The following SGTB variants were observed in gnomAD, a reference collection of about 807,000 sequenced individuals.
The protein encoded by SGTB is small glutamine-rich tetratricopeptide repeat-containing protein beta.
A neutral mutation model predicts 43.9 loss-of-function variants in SGTB; 19 were observed. The observed-to-expected ratio is 0.43, with a 90% CI of 0.30 to 0.63. The LOEUF (loss-of-function observed/expected upper bound fraction) is 0.63. Ranked by LOEUF, SGTB falls within the 30% of genes least tolerant of loss-of-function variation. The pLI is 0.12. For missense variants in SGTB, 304 were observed against 358.9 expected (o/e 0.85, Z 1.24); for synonymous variants, 116 against 117.3 (o/e 0.99, Z 0.07).
chr5:65,677,322 T>C (rs1268979631), intron 8 of SGTB, among the ~76,000 whole-genome samples: 1 of 149,918 alleles, frequency 6.7e-6, no homozygotes, highest in Non-Finnish European at 1.5e-5. Context: ...AGTTCTGAAA[T>C]TGAGGCACTA....
chr5:65,685,457 G>C lies in SGTB; in HGVS notation c.390C>G (p.Ser130Arg). 3.7e-6 allele frequency: 6 copies of C among 1,613,944 alleles called. No homozygotes were observed. The highest frequency in any genetic ancestry group is 5.1e-6 in the Non-Finnish European group (6 of 1,179,976). Residue 130 changes from serine (S) to arginine (R), a missense_variant, in exon 6 of 11, where the codon AGC becomes AGG. Ser to Arg is a moderately radical substitution (Grantham distance 110). Transcript: ENST00000381007. The part of the protein sequence containing the change: ...VYYCNRAAAQ[S>R]KLGHYTDAIK... ...TCGCATCTGTGTAGTGACCTAATTT[G>C]CTCTGAGCAGCAGCCCTAAGAGAAA... is the stretch of plus-strand genomic sequence containing the variant.
chr5:65,677,835 C>T (rs1757312653), intron 8 of SGTB, among the ~76,000 whole-genome samples: 1 of 152,094 alleles, frequency 6.6e-6, no homozygotes. Context: ...ATTGAAGGAA[C>T]ATACCTCAAA....
chr5:65,682,608 C>T (rs886413413), intron 6 of SGTB, among the ~76,000 whole-genome samples: 1 of 152,084 alleles, frequency 6.6e-6, no homozygotes, highest in African/African-American at 2.4e-5. Context: ...GGCGTAATAA[C>T]AATGAAGGAT....
chr5:65,691,790 G>A (rs1400664038), intron 5 of SGTB, among the ~76,000 whole-genome samples: 2 of 151,550 alleles, frequency 1.3e-5, no homozygotes, highest in African/African-American at 4.8e-5. Context: ...AATTAGCCGG[G>A]CGTGGTGGCG....
intron 5 of SGTB, among the ~76,000 whole-genome samples, chr5:65,694,758 G>C (rs1000920934): frequency 1.1e-4 from 16 of 152,112 alleles, no homozygotes; most frequent in Admixed American, 3.3e-4. Context: ...GGGTTTTGAA[G>C]GATGACTAGT....
At chr5:65,706,738 A>G (rs1176064669) in intron 4 of SGTB, among the ~76,000 whole-genome samples, 1 of 152,022 alleles carries the variant, frequency 6.6e-6, no homozygotes, top group Non-Finnish European at 1.5e-5. Flanking sequence ...AGGCTGAGGC[A>G]GGAAAATCAC....
intron 4 of SGTB, among the ~76,000 whole-genome samples, chr5:65,707,874 T>C (rs1162917376): frequency 6.6e-6 from 1 of 151,736 alleles, no homozygotes; most frequent in Non-Finnish European, 1.5e-5. Flanking sequence ...TGTCACTCAC[T>C]GCTAAAGATA....
Position 65,669,388 on chromosome 5 carries a change from T to A in SGTB, c.*858A>T, listed in dbSNP as rs1259818188. ...TTAAAGTATATTTATATTTGATAGT[T>A]TCCAAGGTAAGGTTACCATTGGGGA... On this transcript the variant is annotated 3_prime_UTR_variant, in exon 11 of 11. Transcript: ENST00000381007. 2.0e-5 allele frequency: 3 copies of A among 152,222 alleles called. No individual in the cohort carries two copies. The highest frequency in any genetic ancestry group is 2.9e-5 in the Non-Finnish European group (2 of 68,046). The allele number at this position is 152,222 out of a possible 1,614,324, so 9.4% of individuals were successfully genotyped here.
chr5:65,688,423 C>T (rs10035902), intron 5 of SGTB, among the ~76,000 whole-genome samples: 2,650 of 152,268 alleles, frequency 0.017, 77 homozygotes, highest in African/African-American at 0.061. Context: ...AAGAGTCTCA[C>T]CTTCAAAACA....
chr5:65,701,735 C>T (rs1313393710), intron 5 of SGTB, among the ~76,000 whole-genome samples: 3 of 151,474 alleles, frequency 2.0e-5, no homozygotes. Flanking sequence ...AGGGTTCACA[C>T]CATTCTCCTG....
At chr5:65,713,670 T>C (rs1196032887) in intron 2 of SGTB, among the ~76,000 whole-genome samples, 2 of 152,162 alleles carry the variant, frequency 1.3e-5, no homozygotes, top group East Asian at 1.9e-4. Flanking sequence ...TAGAATATAA[T>C]TTCTCAATAT....
chr5:65,701,849 G>A (rs1249114348), intron 5 of SGTB, among the ~76,000 whole-genome samples: 1 of 152,102 alleles, frequency 6.6e-6, no homozygotes, highest in Non-Finnish European at 1.5e-5. Context: ...TAGCCAGGAT[G>A]GTCTCGATCT....
chr5:65,708,535 G>A lies in SGTB; in HGVS notation c.228C>T (p.Asn76=). 1 of 1,613,070 alleles carries A rather than the reference G, an allele frequency of 6.2e-7. No individual in the cohort carries two copies. Among genetic ancestry groups the A allele is most frequent in the Non-Finnish European group, 8.5e-7 (1 of 1,179,582 alleles). The change falls in exon 4 of 11, where the codon AAC becomes AAT. Residue 76 remains asparagine (N), a synonymous_variant. Coordinates refer to ENST00000381007, the MANE Select transcript of SGTB (RefSeq NM_019072.3). ...FCKNDVLPLS[N]SVPEDVGKAD... The stretch of plus-strand genomic sequence containing the variant: ...CTTTTCCCACATCTTCAGGCACTGA[G>A]TTTGAAAGGGGCAGAACGTCATTCT...
At chr5:65,699,496 C>T (rs757776872) in intron 5 of SGTB, among the ~76,000 whole-genome samples, 5 of 152,208 alleles carry the variant, frequency 3.3e-5, no homozygotes, top group Non-Finnish European at 5.9e-5. Context: ...TACAATTCAT[C>T]CGTGTAACCA....
At chr5:65,686,218 G>C (rs1425646517) in intron 5 of SGTB, among the ~76,000 whole-genome samples, 2 of 152,180 alleles carry the variant, frequency 1.3e-5, no homozygotes, top group Non-Finnish European at 2.9e-5. Flanking sequence ...GCCAGGGTGT[G>C]CTGACCACTT....
At chr5:65,688,635 G>A (rs750741936) in intron 5 of SGTB, among the ~76,000 whole-genome samples, 2 of 152,142 alleles carry the variant, frequency 1.3e-5, no homozygotes, top group Non-Finnish European at 2.9e-5. Context: ...TCTGCTTTGT[G>A]ATTTTTAAAA....
intron 2 of SGTB, among the ~76,000 whole-genome samples, chr5:65,718,705 A>T (rs1034563075): frequency 1.3e-5 from 2 of 152,148 alleles, no homozygotes; most frequent in Non-Finnish European, 2.9e-5. Flanking sequence ...ACATGATTTC[A>T]TGTTCAATTA....
chr5:65,688,360 A>G (rs7705762), intron 5 of SGTB, among the ~76,000 whole-genome samples: 1 of 152,090 alleles, frequency 6.6e-6, no homozygotes, highest in Non-Finnish European at 1.5e-5. Context: ...TGGAAATCTG[A>G]TAACGGTGAT....
intron 5 of SGTB, among the ~76,000 whole-genome samples, chr5:65,687,570 C>CTTTT (rs934224526): frequency 4.6e-5 from 7 of 152,176 alleles, no homozygotes; most frequent in Admixed American, 3.9e-4. Context: ...GAGCAAGCTC[C>CTTTT]TTTTTCTACC....
Sources: allele counts gnomAD v4.1 joint callset (sites outside exome capture counted in the v4.1 genomes callset), GRCh38; gene constraint gnomAD v4.1.1; transcripts MANE v1.5; gene names NCBI Gene and HGNC (gene_info 2026-07-23, HGNC 2026-07-21).